UNC13B: variants seen among roughly 807,000 people sequenced by gnomAD.
UNC13B encodes unc-13 homolog B.
Under a neutral mutation model 211.0 loss-of-function variants are expected in UNC13B, and 144 were observed. That is an observed-to-expected ratio of 0.68 (90% CI 0.60 to 0.78). The LOEUF is 0.78. Ranked by LOEUF, UNC13B falls within the 30% of genes least tolerant of loss-of-function variation. UNC13B has a pLI of 0.00. For missense variants in UNC13B, 1,777 were observed against 2,002.0 expected, an observed-to-expected ratio of 0.89 and a Z score of 2.14; for synonymous variants, 709 against 725.8, an observed-to-expected ratio of 0.98 and a Z score of 0.37.
chr9:35,190,998 C>G (rs776542327), intron 1 of UNC13B, among the ~76,000 whole-genome samples: 1 of 151,990 alleles, frequency 6.6e-6, no homozygotes, highest in Admixed American at 6.6e-5. Flanking sequence ...CTCGCTCTGT[C>G]GCCCAGGCTG....
At chr9:35,352,725 G>T in intron 11 of UNC13B, 1 of 1,232,192 alleles carries the variant, frequency 8.1e-7, no homozygotes, top group South Asian at 4.1e-5. Context: ...GGAGCATCAA[G>T]AACATCTCAA....
chr9:35,236,833 A>C (rs1305101934), intron 4 of UNC13B, among the ~76,000 whole-genome samples: 1 of 152,198 alleles, frequency 6.6e-6, no homozygotes, highest in Non-Finnish European at 1.5e-5. Flanking sequence ...CTTATCAGGT[A>C]GATAGCCCCT....
chr9:35,194,283 A>G (rs1822821648), intron 1 of UNC13B, among the ~76,000 whole-genome samples: 1 of 152,216 alleles, frequency 6.6e-6, no homozygotes, highest in South Asian at 2.1e-4. Flanking sequence ...ACACAGAGAG[A>G]ATAGGAGATA....
rs773714499 is a variant in UNC13B, at chr9:35,236,546, CTG to C, written c.235_236del (p.Trp79AspfsTer11). 3.1e-6 allele frequency: 5 copies of C among 1,614,062 alleles called. No individual in the cohort carries two copies. In the Admixed American group the frequency reaches 5.0e-5, roughly 16 times the overall value. On this transcript the variant is annotated frameshift_variant, in exon 4 of 40. Transcript: ENST00000635942. LOFTEE classifies it high-confidence loss of function. ...CTGATCTGGGACACCATGGTGGGGA[CTG>C]TGTGGATTGCGCTGAAGACTATTCG...
rs368401880 is a variant in UNC13B at position 35,164,350 on chromosome 9, G to A, written c.22+2045G>A. 1.3e-3 allele frequency among the ~76,000 whole-genome samples: 191 copies of A among 152,288 alleles called. 7 individuals are homozygous for A. In the South Asian group the frequency reaches 0.036, roughly 29 times the overall value. Reference sequence around the variant, plus strand: ...ATCTTTCTAAAATGACATTCCTTGCGTTGTATTTTGGCAGTAGGAATGTTG... The same window carrying A: ...ATCTTTCTAAAATGACATTCCTTGCATTGTATTTTGGCAGTAGGAATGTTG... On this transcript the variant is annotated intron_variant, in intron 1 of 39. Transcript: ENST00000635942.
At position 35,403,878 on chromosome 9, in the gene UNC13B, A is replaced by T; in HGVS notation, c.12868A>T (p.Ser4290Cys). ...TCTGAGGGATGTCACAGCCAAGGGC[A>T]GCTGTGCCTGCTGGTGCCCCTTGGG... Reference protein sequence around the residue: ...MPLRDVTAKGSCACWCPLGRK... With the variant: ...MPLRDVTAKGCCACWCPLGRK... Residue 4290 changes from serine to cysteine, a missense_variant, in exon 40 of 40, where the codon AGC becomes TGC. Transcript: ENST00000635942. 6.2e-7 allele frequency: 1 copy of T among 1,614,202 alleles called. No homozygotes were observed. Among genetic ancestry groups the T allele is most frequent in the South Asian group, 1.1e-5 (1 of 91,084 alleles).
intron 7 of UNC13B, among the ~76,000 whole-genome samples, chr9:35,284,908 A>T (rs1478646723): frequency 6.6e-6 from 1 of 152,232 alleles, no homozygotes; most frequent in Non-Finnish European, 1.5e-5. Flanking sequence ...GTACTGGACT[A>T]CTAATGGGTG....
chr9:35,396,230 A>C (rs1294601596), intron 26 of UNC13B, among the ~76,000 whole-genome samples: 2 of 152,232 alleles, frequency 1.3e-5, no homozygotes, highest in East Asian at 3.8e-4. Context: ...ACGCTAGAGC[A>C]AAAAGACTGC....
chr9:35,301,046 G>C lies in UNC13B; in HGVS notation c.1642G>C (p.Gly548Arg), dbSNP rs1255303907. Residue 548 changes from glycine (G) to arginine (R), a missense_variant, in exon 9 of 40, where the codon GGT becomes CGT. By Grantham distance (125) the Gly-to-Arg change is moderately radical. Transcript: ENST00000635942. ...GTTTAGTTCACTCACAGAAAAAGTGGGTTCAGGCACAAAGCATCTAACAAA... is the reference window on the plus strand; with the variant it reads ...GTTTAGTTCACTCACAGAAAAAGTGCGTTCAGGCACAAAGCATCTAACAAA... ...SLFSSLTEKV[G>R]SGTKHLTNSV... 7.5e-6 allele frequency: 3 copies of C among 398,738 alleles called. No homozygotes were observed. The highest frequency in any genetic ancestry group is 8.9e-6 in the Non-Finnish European group (2 of 225,978). The allele number at this position is 398,738 out of a possible 1,614,324, so 24.7% of individuals were successfully genotyped here.
intron 3 of UNC13B, among the ~76,000 whole-genome samples, chr9:35,234,070 G>C (rs531894943): frequency 3.0e-4 from 46 of 152,236 alleles, no homozygotes; most frequent in African/African-American, 1.0e-3. Context: ...GATGCTATTT[G>C]GGAGTTGATT....
rs753800429 is a variant in UNC13B at position 35,310,811 on chromosome 9, A to G, written c.9323+30A>G. ...GCAACAGCTGCCTTGAGGAGCTCAC[A>G]TGGCTTCCTCAGTACCTGCCCTGTG... On this transcript the variant is annotated intron_variant, in intron 10 of 39. Coordinates refer to ENST00000635942, the MANE Select transcript of UNC13B (RefSeq NM_001371189.2). 37 of 1,595,078 alleles carry G rather than the reference A, an allele frequency of 2.3e-5. 1 individual carries two copies. Among genetic ancestry groups the G allele is most frequent in the Non-Finnish European group, 2.9e-5 (34 of 1,168,232 alleles).
intron 3 of UNC13B, among the ~76,000 whole-genome samples, chr9:35,234,170 C>T (rs1825364430): frequency 6.6e-6 from 1 of 152,114 alleles, no homozygotes; most frequent in African/African-American, 2.4e-5. Context: ...GGCTGGAGTG[C>T]AGTGGCAGCA....
Position 35,382,517 on chromosome 9 carries a change from A to C in UNC13B, c.10806+10A>C, listed in dbSNP as rs190950352. On this transcript the variant is annotated intron_variant, in intron 21 of 39. Coordinates refer to ENST00000635942, the MANE Select transcript of UNC13B (RefSeq NM_001371189.2). ...AGCCTCCAACTTTGGGGTAAGTATC[A>C]TGTAAACACATATGTCTGCATTTGT... is the stretch of plus-strand genomic sequence containing the variant. 4 of 1,603,190 alleles carry C rather than the reference A, an allele frequency of 2.5e-6. No individual in the cohort carries two copies. The East Asian group carries it at 8.9e-5, about 36-fold the overall frequency.
chr9:35,246,251 C>T (rs1197886233), intron 6 of UNC13B, among the ~76,000 whole-genome samples: 1 of 151,732 alleles, frequency 6.6e-6, no homozygotes, highest in Non-Finnish European at 1.5e-5. Flanking sequence ...TGGATATTAG[C>T]CCTTTGTCAG....
chr9:35,354,076 G>T (rs1277504507), intron 11 of UNC13B, among the ~76,000 whole-genome samples: 1 of 152,128 alleles, frequency 6.6e-6, no homozygotes, highest in Non-Finnish European at 1.5e-5. Flanking sequence ...CCAGTCTCTT[G>T]TTGTGGTGCT....
chr9:35,276,079 G>T, intron 7 of UNC13B, among the ~76,000 whole-genome samples: 1 of 152,060 alleles, frequency 6.6e-6, no homozygotes, highest in Non-Finnish European at 1.5e-5. Context: ...GCTGAAGTGG[G>T]CAGGTTGTTT....
chr9:35,166,740 A>G (rs1217923370), intron 1 of UNC13B, among the ~76,000 whole-genome samples: 1 of 152,256 alleles, frequency 6.6e-6, no homozygotes, highest in Non-Finnish European at 1.5e-5. Context: ...TGTAAAGTAG[A>G]AGGAAAAGTT....
At chr9:35,193,056 A>G (rs1325108862) in intron 1 of UNC13B, among the ~76,000 whole-genome samples, 1 of 152,166 alleles carries the variant, frequency 6.6e-6, no homozygotes, top group East Asian at 1.9e-4. Flanking sequence ...GGGATTAGTC[A>G]CACTGATTCA....
chr9:35,244,151 T>C (rs903500399), intron 6 of UNC13B, among the ~76,000 whole-genome samples: 1 of 151,862 alleles, frequency 6.6e-6, no homozygotes, highest in Non-Finnish European at 1.5e-5. Context: ...ACCTTAGACA[T>C]AGAATTCTGA....
Sources: gnomAD v4.1 joint callset for allele counts (sites outside exome capture counted in the v4.1 genomes callset) on GRCh38, gnomAD v4.1.1 for gene constraint, MANE v1.5 for transcripts, NCBI Gene and HGNC (gene_info 2026-07-23, HGNC 2026-07-21) for gene names.